Variants in KCNQ5 observed in about 807,000 individuals in gnomAD.
KCNQ5 encodes the protein potassium voltage-gated channel subfamily Q member 5, also known as potassium voltage-gated channel subfamily KQT member 5.
KCNQ5 carries 30 observed loss-of-function variants against 98.2 expected under a neutral mutation model. That is an observed-to-expected ratio of 0.31 (90% CI 0.23 to 0.41). KCNQ5 has a LOEUF of 0.41. Among genes scored for constraint, KCNQ5 ranks in the 10% least tolerant of loss-of-function variants. The probability of loss-of-function intolerance (pLI) is 1.00; values close to 1 mark genes in which losing one functional copy is unlikely to be tolerated. For synonymous variants in KCNQ5, 458 were observed against 449.4 expected, an observed-to-expected ratio of 1.02 and a Z score of -0.24; for missense variants, 835 against 1,182.5, an observed-to-expected ratio of 0.71 and a Z score of 4.31.
chr6:73,046,669 T>C (rs1771979484), intron 3 of KCNQ5, among the ~76,000 whole-genome samples: 1 of 151,582 alleles, frequency 6.6e-6, no homozygotes, highest in Non-Finnish European at 1.5e-5. Context: ...TGAGGCAGAG[T>C]TTCCCTCTAT....
chr6:73,165,952 AGAG>A (rs1456092602), intron 10 of KCNQ5, among the ~76,000 whole-genome samples: 1 of 151,760 alleles, frequency 6.6e-6, no homozygotes. Flanking sequence ...AGAAAAAAAA[AGAG>A]AGAGAAATAC....
At chr6:73,061,224 A>G (rs2150375510) in intron 3 of KCNQ5, among the ~76,000 whole-genome samples, 1 of 152,346 alleles carries the variant, frequency 6.6e-6, no homozygotes, top group Middle Eastern at 3.4e-3. Flanking sequence ...GTGTTTGTAT[A>G]AAGAAACATT....
chr6:72,834,999 G>A (rs1189464511), intron 1 of KCNQ5, among the ~76,000 whole-genome samples: 1 of 152,054 alleles, frequency 6.6e-6, no homozygotes, highest in Non-Finnish European at 1.5e-5. Flanking sequence ...TTTTATAAAT[G>A]TTTTACTTAG....
intron 1 of KCNQ5, among the ~76,000 whole-genome samples, chr6:72,981,023 G>A (rs1298428590): frequency 6.6e-6 from 1 of 152,130 alleles, no homozygotes; most frequent in Non-Finnish European, 1.5e-5. Flanking sequence ...CTTGGTCTTG[G>A]TGGATAAGCT....
At chr6:73,065,571 C>A (rs1340748046) in intron 3 of KCNQ5, among the ~76,000 whole-genome samples, 1 of 152,190 alleles carries the variant, frequency 6.6e-6, no homozygotes, top group Non-Finnish European at 1.5e-5. Flanking sequence ...TCTGATCCTG[C>A]ACTCTGCCAA....
chr6:72,643,163 G>T (rs1284398817), intron 1 of KCNQ5, among the ~76,000 whole-genome samples: 1 of 152,022 alleles, frequency 6.6e-6, no homozygotes, highest in African/African-American at 2.4e-5. Context: ...TTGGGTCCTA[G>T]GCTTAGTACC....
At chr6:72,651,447 A>T (rs764239571) in intron 1 of KCNQ5, among the ~76,000 whole-genome samples, 5 of 152,210 alleles carry the variant, frequency 3.3e-5, no homozygotes, top group Non-Finnish European at 7.4e-5. Flanking sequence ...AAATATTTTT[A>T]CTAGAAATAC....
At chr6:72,883,075 T>G (rs1366835462) in intron 1 of KCNQ5, among the ~76,000 whole-genome samples, 1 of 152,218 alleles carries the variant, frequency 6.6e-6, no homozygotes, top group Non-Finnish European at 1.5e-5. Context: ...TTCTGTGAGA[T>G]TTCCAATAGT....
chr6:73,120,018 A>T (rs748334386), intron 7 of KCNQ5, among the ~76,000 whole-genome samples: 4 of 151,448 alleles, frequency 2.6e-5, no homozygotes, highest in Non-Finnish European at 4.4e-5. Context: ...CAGGCGGATC[A>T]CTTGAGGTCA....
At chr6:72,931,161 T>C (rs1765676812) in intron 1 of KCNQ5, among the ~76,000 whole-genome samples, 1 of 152,192 alleles carries the variant, frequency 6.6e-6, no homozygotes, top group Non-Finnish European at 1.5e-5. Context: ...TACTAAAGTT[T>C]GTGTTTAAAG....
chr6:72,658,666 C>T (rs1213861648), intron 1 of KCNQ5, among the ~76,000 whole-genome samples: 8 of 147,272 alleles, frequency 5.4e-5, no homozygotes, highest in South Asian at 2.2e-4. Flanking sequence ...CTGCAACCTC[C>T]GTCTCTCGGG....
chr6:73,047,690 A>G (rs1772034709), intron 3 of KCNQ5, among the ~76,000 whole-genome samples: 2 of 152,252 alleles, frequency 1.3e-5, no homozygotes, highest in African/African-American at 4.8e-5. Flanking sequence ...CACATGTTAC[A>G]TAAGAAAATT....
intron 1 of KCNQ5, among the ~76,000 whole-genome samples, chr6:72,664,358 T>G (rs1370032001): frequency 6.6e-6 from 1 of 152,130 alleles, no homozygotes; most frequent in African/African-American, 2.4e-5. Context: ...TTAGTAAATA[T>G]TATTTGGAAA....
chr6:73,043,789 C>A (rs536877659), intron 3 of KCNQ5, among the ~76,000 whole-genome samples: 2 of 152,122 alleles, frequency 1.3e-5, no homozygotes, highest in African/African-American at 2.4e-5. Flanking sequence ...GGCCTCCATG[C>A]GAAAAAGAAA....
intron 1 of KCNQ5, among the ~76,000 whole-genome samples, chr6:72,908,281 C>G (rs901374537): frequency 6.6e-6 from 1 of 151,946 alleles, no homozygotes; most frequent in African/African-American, 2.4e-5. Flanking sequence ...TCTAGAGATC[C>G]AATGTACAAC....
At chr6:72,753,133 A>G (rs1270343704) in intron 1 of KCNQ5, among the ~76,000 whole-genome samples, 2 of 152,116 alleles carry the variant, frequency 1.3e-5, no homozygotes, top group Non-Finnish European at 2.9e-5. Context: ...AGTTTCTGAC[A>G]GTCACTGATC....
At chr6:72,961,293 A>AT (rs1017572529) in intron 1 of KCNQ5, among the ~76,000 whole-genome samples, 23 of 152,306 alleles carry the variant, frequency 1.5e-4, no homozygotes, top group Admixed American at 2.6e-4. Context: ...GACCACAAGC[A>AT]TTTTTTGGAA....
intron 1 of KCNQ5, among the ~76,000 whole-genome samples, chr6:72,937,563 T>C (rs1054314198): frequency 6.6e-6 from 1 of 152,212 alleles, no homozygotes; most frequent in Non-Finnish European, 1.5e-5. Flanking sequence ...TTTTAATAAT[T>C]CTTTCCTATA....
chr6:72,927,926 A>G (rs1765506153), intron 1 of KCNQ5, among the ~76,000 whole-genome samples: 1 of 152,080 alleles, frequency 6.6e-6, no homozygotes, highest in African/African-American at 2.4e-5. Context: ...ATTGGTTCCC[A>G]TTCCTATACC....
Sources: gnomAD v4.1 joint callset for allele counts (sites outside exome capture counted in the v4.1 genomes callset) on GRCh38, gnomAD v4.1.1 for gene constraint, MANE v1.5 for transcripts, NCBI Gene and HGNC (gene_info 2026-07-23, HGNC 2026-07-21) for gene names.